Variants in SMC5 observed in about 807,000 individuals in gnomAD.
The protein encoded by SMC5 is structural maintenance of chromosomes 5.
SMC5 carries 88 observed loss-of-function variants against 148.3 expected under a neutral mutation model. The observed-to-expected ratio is 0.59, with a 90% CI of 0.50 to 0.71. The LOEUF is 0.71. Ranked by LOEUF, SMC5 falls within the 30% of genes least tolerant of loss-of-function variation. The probability of loss-of-function intolerance (pLI) is 0.00; values close to 1 mark genes in which losing one functional copy is unlikely to be tolerated. For missense variants in SMC5, 1,142 were observed against 1,298.9 expected (o/e 0.88, Z 1.86); for synonymous variants, 421 against 432.8 (o/e 0.97, Z 0.34).
chr9:70,343,921 T>C (rs543525492), intron 17 of SMC5, among the ~76,000 whole-genome samples: 2 of 152,282 alleles, frequency 1.3e-5, no homozygotes, highest in Non-Finnish European at 2.9e-5. Context: ...ACACCTCTTA[T>C]GGATTAGAGA....
At chr9:70,272,631 G>T (rs1293683071) in intron 3 of SMC5, among the ~76,000 whole-genome samples, 2 of 152,206 alleles carry the variant, frequency 1.3e-5, no homozygotes, top group Non-Finnish European at 2.9e-5. Context: ...TCTTGGAGAA[G>T]TCTGAGCTGA....
chr9:70,331,637 A>G (rs532877963), intron 17 of SMC5, among the ~76,000 whole-genome samples: 3 of 152,276 alleles, frequency 2.0e-5, no homozygotes, highest in South Asian at 2.1e-4. Flanking sequence ...ACATGAAACA[A>G]TGTTGGTTAT....
chr9:70,287,073 G>T (rs1353412738), intron 8 of SMC5, among the ~76,000 whole-genome samples: 1 of 151,992 alleles, frequency 6.6e-6, no homozygotes, highest in Non-Finnish European at 1.5e-5. Flanking sequence ...TATAATCTTG[G>T]TTTATAGCTC....
intron 11 of SMC5, among the ~76,000 whole-genome samples, chr9:70,312,517 A>G (rs1319343739): frequency 6.6e-6 from 1 of 152,204 alleles, no homozygotes. Flanking sequence ...TTCCAGCCTT[A>G]GGAGGAAAGC....
Position 70,315,931 on chromosome 9 carries a change from T to C in SMC5, c.1806+353T>C, listed in dbSNP as rs151056586. Among the ~76,000 whole-genome samples the C allele has an allele frequency of 2.3e-4, 35 of 152,270 alleles. No homozygotes were observed. In the East Asian group the frequency reaches 6.6e-3, roughly 29 times the overall value. Reference sequence around the variant, plus strand: ...ATTAATAGTTTAGTCTTTTAAATTATTATATTTGAGATTATTTTTAAGACA... The same window carrying C: ...ATTAATAGTTTAGTCTTTTAAATTACTATATTTGAGATTATTTTTAAGACA... On this transcript the variant is annotated intron_variant, in intron 13 of 24. Coordinates refer to ENST00000361138, the MANE Select transcript of SMC5 (RefSeq NM_015110.4).
intron 10 of SMC5, 76 bp from the exon 11 acceptor site, chr9:70,305,171 C>T: frequency 6.3e-6 from 4 of 638,572 alleles, no homozygotes; most frequent in Non-Finnish European, 8.3e-6. Flanking sequence ...CTAATTAAAT[C>T]CAATTTTAAT....
At chr9:70,296,839 C>G (rs771288624) in intron 8 of SMC5, among the ~76,000 whole-genome samples, 1 of 151,958 alleles carries the variant, frequency 6.6e-6, no homozygotes, top group Non-Finnish European at 1.5e-5. Context: ...TTAGGTAGAC[C>G]ATAGTTTTGA....
chr9:70,297,010 T>C (rs1377546929), intron 8 of SMC5, among the ~76,000 whole-genome samples: 1 of 151,778 alleles, frequency 6.6e-6, no homozygotes, highest in African/African-American at 2.4e-5. Flanking sequence ...TGGAAGAAAA[T>C]AGTTTATTTC....
intron 16 of SMC5, 74 bp downstream of exon 16, chr9:70,323,680 GGAGGGAAGGTTTTGAT>G: frequency 6.8e-7 from 1 of 1,472,602 alleles, no homozygotes; most frequent in Admixed American, 2.2e-5. Context: ...ATCTTTAGAG[GGAGGGAAGGTTTTGAT>G]TAAGGTTTTT....
chr9:70,265,365 A>G (rs1385447244), intron 2 of SMC5, among the ~76,000 whole-genome samples: 2 of 152,162 alleles, frequency 1.3e-5, no homozygotes, highest in Non-Finnish European at 2.9e-5. Context: ...AGGCTGAAGC[A>G]GGAGAATTGC....
intron 17 of SMC5, among the ~76,000 whole-genome samples, chr9:70,329,437 G>A (rs2036167246): frequency 6.6e-6 from 1 of 152,130 alleles, no homozygotes; most frequent in Non-Finnish European, 1.5e-5. Flanking sequence ...TCTCTCTCAA[G>A]TTCAGAATTC....
intron 16 of SMC5, 149 bp downstream of exon 16, chr9:70,323,755 G>A: frequency 1.0e-6 from 1 of 969,154 alleles, no homozygotes; most frequent in East Asian, 2.7e-5. Flanking sequence ...GTTTCAGCTT[G>A]CTTAGTTGCT....
chr9:70,332,523 C>CAAAAAAA (rs57524323), intron 17 of SMC5, among the ~76,000 whole-genome samples: 1 of 104,212 alleles, frequency 9.6e-6, no homozygotes, highest in Non-Finnish European at 2.0e-5. Context: ...GACCCTGTCT[C>CAAAAAAA]AAAAAAAAAA....
chr9:70,351,088 A>T (rs1474313819), intron 24 of SMC5, among the ~76,000 whole-genome samples: 1 of 152,174 alleles, frequency 6.6e-6, no homozygotes, highest in Non-Finnish European at 1.5e-5. Context: ...GCACTGGCTC[A>T]TACCTGTAGT....
chr9:70,351,105 A>G (rs2036793067), intron 24 of SMC5, among the ~76,000 whole-genome samples: 1 of 152,124 alleles, frequency 6.6e-6, no homozygotes, highest in Non-Finnish European at 1.5e-5. Flanking sequence ...TAGTCCCACT[A>G]CTTTTTGAGG....
intron 17 of SMC5, among the ~76,000 whole-genome samples, chr9:70,328,141 G>A (rs536140075): frequency 3.3e-5 from 5 of 151,744 alleles, no homozygotes; most frequent in South Asian, 2.1e-4. Flanking sequence ...TGATTTGGCC[G>A]GGGACACAGA....
At position 70,345,178 on chromosome 9, in the gene SMC5, A is replaced by AT. The variant is rs796403883; in HGVS notation, c.2523+919dup. On this transcript the variant is annotated intron_variant, in intron 18 of 24. Transcript: ENST00000361138. Reference sequence around the variant, plus strand: ...AAATAAATATAAGTACAATCTACTAATTTTTTTTTTCAGAAAAAGCATGAT... The same window carrying AT: ...AAATAAATATAAGTACAATCTACTAATTTTTTTTTTTCAGAAAAAGCATGAT... 3.6e-3 allele frequency among the ~76,000 whole-genome samples: 513 copies of AT among 144,380 alleles called. 6 individuals are homozygous for AT. The highest frequency in any genetic ancestry group is 0.011 in the African/African-American group (465 of 40,526). The allele number at this position is 144,380 out of a possible 152,430, so 94.7% of individuals were successfully genotyped here.
chr9:70,347,481 G>A, intron 20 of SMC5, 132 bp from the exon 21 acceptor site: 1 of 577,518 alleles, frequency 1.7e-6, no homozygotes, highest in Non-Finnish European at 3.0e-6. Context: ...TGTAATAAGA[G>A]CATATATTAT....
At chr9:70,304,768 G>A (rs1384496268) in intron 10 of SMC5, among the ~76,000 whole-genome samples, 1 of 151,624 alleles carries the variant, frequency 6.6e-6, no homozygotes, top group Non-Finnish European at 1.5e-5. Flanking sequence ...CTTGAGGGCT[G>A]TAATAGTTAC....
Sources: allele counts gnomAD v4.1 joint callset (sites outside exome capture counted in the v4.1 genomes callset), GRCh38; gene constraint gnomAD v4.1.1; transcripts MANE v1.5; gene names NCBI Gene and HGNC (gene_info 2026-07-23, HGNC 2026-07-21).